The following GOLGA6L7 variants were observed in gnomAD, a reference collection of about 807,000 sequenced individuals.
GOLGA6L7 encodes golgin subfamily A member 6-like protein 7.
In GOLGA6L7, 29 loss-of-function variants were observed where a neutral mutation model predicts 68.9. The observed-to-expected ratio is 0.42, with a 90% confidence interval of 0.31 to 0.57. The LOEUF is 0.57. Ranked by LOEUF, GOLGA6L7 falls within the 20% of genes least tolerant of loss-of-function variation. The pLI, the probability that GOLGA6L7 is intolerant of heterozygous loss-of-function variation, is 0.13. For synonymous variants in GOLGA6L7, 133 were observed against 197.4 expected, an observed-to-expected ratio of 0.67 and a Z score of 2.73; for missense variants, 396 against 588.4, an observed-to-expected ratio of 0.67 and a Z score of 3.38.
intron 6 of GOLGA6L7, chr15:28,845,298 C>T: frequency 4.8e-6 from 3 of 621,348 alleles, no homozygotes; most frequent in Middle Eastern, 4.2e-4. Flanking sequence ...GGGGTGGGCA[C>T]TTGGCCTCCG....
Position 28,842,468 on chromosome 15 carries a change from A to C in GOLGA6L7, c.1636T>G (p.Ser546Ala). 1 of 1,138,620 alleles carries C rather than the reference A, an allele frequency of 8.8e-7. No individual in the cohort carries two copies. Among genetic ancestry groups the C allele is most frequent in the East Asian group, 3.2e-5 (1 of 31,424 alleles). The allele number at this position is 1,138,620 out of a possible 1,614,324, so 70.5% of individuals were successfully genotyped here. Residue 546 changes from serine (S) to alanine (A), a missense_variant, in exon 9 of 9, where the codon TCA (serine) becomes GCA (alanine). Physicochemically the swap from Ser to Ala is moderately conservative, Grantham distance 99. Around this residue, in one of 5 missense-constraint regions of GOLGA6L7, gnomAD observed 125 missense variants for 163.3 expected, o/e 0.77. Transcript: ENST00000567390. Reference sequence around the variant, plus strand: ...TTGGAGGGAGGGAGGCAGGGCTCTGAGCACCGCTCCTCCTGCGTCTTCTCC... The same window carrying C: ...TTGGAGGGAGGGAGGCAGGGCTCTGCGCACCGCTCCTCCTGCGTCTTCTCC... ...EQEKTQEERC[S>A]EPCLPPSKYP...
rs1173060886 is a variant in GOLGA6L7, at chr15:28,842,956, A to G, written c.1148T>C (p.Met383Thr). 7 of 1,184,016 alleles carry G rather than the reference A, an allele frequency of 5.9e-6. No homozygotes were observed. Among genetic ancestry groups the G allele is most frequent in the Non-Finnish European group, 7.2e-6 (7 of 978,266 alleles). The allele number at this position is 1,184,016 out of a possible 1,614,324, so 73.3% of individuals were successfully genotyped here. A position where few individuals can be genotyped will look rare whatever the true frequency, so the allele number is the denominator to read the frequency against. Residue 383 changes from methionine to threonine, a missense_variant, in exon 9 of 9, where the codon ATG becomes ACG. Coordinates refer to ENST00000567390, the MANE Select transcript of GOLGA6L7 (RefSeq NM_001365371.2). The part of the protein sequence containing the change: ...EEQMRKQEEQ[M>T]WKQEEQIGEQ... Reference sequence around the variant, plus strand: ...CCCTATCTGCTCCTCCTGCTTCCACATCTGCTCCTCCTGCTTCCGCATCTG... The same window carrying G: ...CCCTATCTGCTCCTCCTGCTTCCACGTCTGCTCCTCCTGCTTCCGCATCTG...
At position 28,843,878 on chromosome 15, in the gene GOLGA6L7, A is replaced by G. The variant is rs572248973; in HGVS notation, c.522-3T>C. The stretch of plus-strand genomic sequence containing the variant: ...CCTTCAGCTCCTTATTGGTTATGCT[A>G]TGGCCGGAGGCAGTAGAGAAAGGAA... On this transcript the variant is annotated splice_region_variant and splice_polypyrimidine_tract_variant and intron_variant, in intron 7 of 8. Transcript: ENST00000567390. 52 of 1,115,760 alleles carry G rather than the reference A, an allele frequency of 4.7e-5. No individual in the cohort carries two copies. The South Asian group carries it at 6.6e-4, about 14-fold the overall frequency. The allele number at this position is 1,115,760 out of a possible 1,614,324, so 69.1% of individuals were successfully genotyped here.
rs1205842912 is a variant in GOLGA6L7, at chr15:28,842,223, T to A, written c.*12A>T. ...CGGCTTACACTTCTGTAGGCCTTGT[T>A]GACCGTTCTTTTTAGATACTGATGA... is the stretch of plus-strand genomic sequence containing the variant. On this transcript the variant is annotated 3_prime_UTR_variant, in exon 9 of 9. Coordinates refer to ENST00000567390, the MANE Select transcript of GOLGA6L7 (RefSeq NM_001365371.2). 4.1e-6 allele frequency: 5 copies of A among 1,227,866 alleles called. No homozygotes were observed. The highest frequency in any genetic ancestry group is 4.2e-5 in the Admixed American group (1 of 23,716). The allele number at this position is 1,227,866 out of a possible 1,614,324, so 76.1% of individuals were successfully genotyped here.
chr15:28,843,226 C>T lies in GOLGA6L7; in HGVS notation c.878G>A (p.Arg293Gln), dbSNP rs1378880102. Residue 293 changes from arginine to glutamine, a missense_variant, in exon 9 of 9, where the codon CGG becomes CAG. This residue lies in a region of GOLGA6L7 where 114 missense variants were observed against 186.0 expected (regional missense o/e 0.61). Transcript: ENST00000567390. Reference protein sequence around the residue: ...EQMRKQEEQMRKQEEQMRKQE... With the variant: ...EQMRKQEEQMQKQEEQMRKQE... ...CTTCCGCATCTGCTCCTCCTGCTTC[C>T]GCATCTGCTCCTCCTGCTTCCGCAT... 10 of 1,146,200 alleles carry T rather than the reference C, an allele frequency of 8.7e-6. No homozygotes were observed. The highest frequency in any genetic ancestry group is 3.7e-5 in the Admixed American group (1 of 27,222). 71.0% of individuals were successfully genotyped at this position (1,146,200 alleles called of 1,614,324 possible).
rs779480707 is a variant in GOLGA6L7 at position 28,845,756 on chromosome 15, G to C, written c.317C>G (p.Ala106Gly). The change falls in exon 5 of 9, where the codon GCG (alanine) becomes GGG (glycine). Residue 106 changes from alanine to glycine, a missense_variant. Physicochemically the swap from Ala to Gly is moderately conservative, Grantham distance 60. This residue lies in a region of GOLGA6L7 where 125 missense variants were observed against 119.4 expected (regional missense o/e 1.05). Coordinates refer to ENST00000567390, the MANE Select transcript of GOLGA6L7 (RefSeq NM_001365371.2). The part of the protein sequence containing the change: ...LMCQKTELET[A>G]LHDSQDAARK... Reference sequence around the variant, plus strand: ...GGCAGCATCCTGGCTGTCATGGAGCGCTGTCTCCAGTTCAGTTTTCTGACA... The same window carrying C: ...GGCAGCATCCTGGCTGTCATGGAGCCCTGTCTCCAGTTCAGTTTTCTGACA... 6 of 784,272 alleles carry C rather than the reference G, an allele frequency of 7.7e-6. No individual in the cohort carries two copies. The highest frequency in any genetic ancestry group is 1.4e-5 in the Non-Finnish European group (6 of 442,100). The allele number at this position is 784,272 out of a possible 1,614,324, so 48.6% of individuals were successfully genotyped here.
chr15:28,844,721 C>A (rs1452702693), intron 6 of GOLGA6L7, among the ~76,000 whole-genome samples: 4 of 152,094 alleles, frequency 2.6e-5, no homozygotes, highest in Non-Finnish European at 5.9e-5. Context: ...GTTATTATTA[C>A]CACTGTTGGA....
intron 7 of GOLGA6L7, 30 bp downstream of exon 7, chr15:28,844,175 G>GACCT: frequency 2.1e-6 from 1 of 467,804 alleles, no homozygotes; most frequent in Non-Finnish European, 3.7e-6. Context: ...AGGGCTCTCA[G>GACCT]ACCTCCCATC....
At chr15:28,845,188 C>A in intron 6 of GOLGA6L7, 1 of 429,100 alleles carries the variant, frequency 2.3e-6, no homozygotes. Flanking sequence ...CCTCTCTCTA[C>A]ACAAATGGTA....
intron 2 of GOLGA6L7, chr15:28,846,828 T>A (rs1595358105): frequency 6.2e-6 from 3 of 486,666 alleles, no homozygotes; most frequent in African/African-American, 4.4e-5. Flanking sequence ...TGATTTAAGC[T>A]TCACACATGT....
intron 7 of GOLGA6L7, 138 bp downstream of exon 7, chr15:28,844,067 A>C (rs1321479555): frequency 2.6e-5 from 15 of 569,938 alleles, no homozygotes; most frequent in Admixed American, 1.2e-4. Flanking sequence ...TCAGTGGCAC[A>C]GCCGGCACTG....
Position 28,842,214 on chromosome 15 carries a change from AG to A in GOLGA6L7, c.*20del. ...GTCACATGGCGGCTTACACTTCTGT[AG>A]GCCTTGTTGACCGTTCTTTTTAGAT... On this transcript the variant is annotated 3_prime_UTR_variant, in exon 9 of 9. Transcript: ENST00000567390. 8.2e-7 allele frequency: 1 copy of A among 1,226,282 alleles called. No individual in the cohort carries two copies. The highest frequency in any genetic ancestry group is 1.0e-6 in the Non-Finnish European group (1 of 982,714). The allele number at this position is 1,226,282 out of a possible 1,614,324, so 76.0% of individuals were successfully genotyped here. A position where few individuals can be genotyped will look rare whatever the true frequency, so the allele number is the denominator to read the frequency against.
intron 6 of GOLGA6L7, among the ~76,000 whole-genome samples, chr15:28,844,569 T>C (rs1471049580): frequency 6.6e-6 from 1 of 151,872 alleles, no homozygotes; most frequent in African/African-American, 2.4e-5. Flanking sequence ...TAGCTGGGAT[T>C]ACAGGCATGT....
chr15:28,848,132 C>T (rs2141057355), intron 1 of GOLGA6L7, among the ~76,000 whole-genome samples: 1 of 152,270 alleles, frequency 6.6e-6, no homozygotes, highest in Middle Eastern at 3.4e-3. Context: ...CCAGGAGTCA[C>T]CTGCCCAAAG....
intron 7 of GOLGA6L7, among the ~76,000 whole-genome samples, 164 bp downstream of exon 7, chr15:28,844,041 G>A (rs2030317178): frequency 6.6e-6 from 1 of 152,008 alleles, no homozygotes; most frequent in Admixed American, 6.6e-5. Flanking sequence ...TGAGTTGCCT[G>A]AGGCTACCCC....
rs2030215147 is a variant in GOLGA6L7, at chr15:28,842,296, G to A, written c.1808C>T (p.Thr603Ile). The A allele has an allele frequency of 7.3e-6, 9 of 1,230,598 alleles. No homozygotes were observed. Among genetic ancestry groups the A allele is most frequent in the Non-Finnish European group, 9.1e-6 (9 of 985,506 alleles). 76.2% of individuals were successfully genotyped at this position (1,230,598 alleles called of 1,614,324 possible). A position where few individuals can be genotyped will look rare whatever the true frequency, so the allele number is the denominator to read the frequency against. ...TCCGTAGAAGAATGGGATGCAGGAG[G>A]TGCTGCCTAAGCCTGGGCGCTCCTG... ...NAQERPGLGS[T>I]SCIPFFYGGD... Residue 603 changes from threonine (T) to isoleucine (I), a missense_variant, in exon 9 of 9, where the codon ACC (threonine) becomes ATC (isoleucine). This residue lies in a region of GOLGA6L7 where 125 missense variants were observed against 163.3 expected (regional missense o/e 0.77). Coordinates refer to ENST00000567390, the MANE Select transcript of GOLGA6L7 (RefSeq NM_001365371.2).
Position 28,842,295 on chromosome 15 carries a change from G to A in GOLGA6L7, c.1809C>T (p.Thr603=). ...NAQERPGLGS[T]SCIPFFYGGD... is the part of the protein sequence containing the mutation. ...CTCCGTAGAAGAATGGGATGCAGGA[G>A]GTGCTGCCTAAGCCTGGGCGCTCCT... Residue 603 remains threonine (T), a synonymous_variant, in exon 9 of 9, where the codon ACC becomes ACT. Transcript: ENST00000567390. The A allele has an allele frequency of 5.7e-6, 7 of 1,230,700 alleles. No individual in the cohort carries two copies. Among genetic ancestry groups the A allele is most frequent in the Non-Finnish European group, 7.1e-6 (7 of 985,504 alleles). 76.2% of individuals were successfully genotyped at this position (1,230,700 alleles called of 1,614,324 possible). A position where few individuals can be genotyped will look rare whatever the true frequency, so the allele number is the denominator to read the frequency against.
intron 7 of GOLGA6L7, 124 bp downstream of exon 7, chr15:28,844,081 C>G: frequency 1.8e-6 from 1 of 568,844 alleles, no homozygotes; most frequent in South Asian, 2.4e-5. Context: ...GGCACTGGAG[C>G]TTCCCTGCAC....
At chr15:28,845,450 C>T (rs1277297230) in intron 6 of GOLGA6L7, 79 bp downstream of exon 6, 3 of 700,714 alleles carry the variant, frequency 4.3e-6, no homozygotes, top group Admixed American at 4.0e-5. Flanking sequence ...ACACTGCATC[C>T]TGCAGAAGGG....
Sources: gnomAD v4.1 joint callset for allele counts (sites outside exome capture counted in the v4.1 genomes callset) on GRCh38, gnomAD v4.1.1 for gene constraint, gnomAD v4.1.1 regional missense constraint, MANE v1.5 for transcripts, NCBI Gene and HGNC (gene_info 2026-07-23, HGNC 2026-07-21) for gene names.